NBAS: variants seen among roughly 807,000 people sequenced by gnomAD.
NBAS encodes the protein NAG/BC035112 fusion.
NBAS carries 219 observed loss-of-function variants against 302.5 expected under a neutral mutation model. The ratio of observed to expected loss-of-function variants is 0.72; its 90% CI spans 0.65 to 0.81. NBAS has a LOEUF of 0.81. Among genes scored for constraint, NBAS ranks in the 30% least tolerant of loss-of-function variants. The pLI is 0.00. For missense variants in NBAS, 2,932 were observed against 2,841.6 expected (o/e 1.03, Z -0.72); for synonymous variants, 1,118 against 1,021.6 (o/e 1.09, Z -1.80).
chr2:15,546,261 TTTTTC>T (rs1399235647), intron 6 of NBAS, among the ~76,000 whole-genome samples: 1 of 152,190 alleles, frequency 6.6e-6, no homozygotes, highest in Non-Finnish European at 1.5e-5. Context: ...GGTGAGCTTA[TTTTTC>T]TTTTCTTTTT....
chr2:15,088,819 C>T, the NBAS span, among the ~76,000 whole-genome samples: 4 of 152,214 alleles, frequency 2.6e-5, no homozygotes, highest in Non-Finnish European at 5.9e-5. Context: ...CTAGAGCGGC[C>T]AGCTCCTGGC....
the NBAS span, among the ~76,000 whole-genome samples, chr2:15,079,534 C>T: frequency 6.6e-6 from 1 of 152,268 alleles, no homozygotes; most frequent in Non-Finnish European, 1.5e-5. Flanking sequence ...CCTCATGGTG[C>T]TCACTGCTAA....
At chr2:14,995,286 C>A in the NBAS span, among the ~76,000 whole-genome samples, 1 of 152,096 alleles carries the variant, frequency 6.6e-6, no homozygotes, top group Admixed American at 6.6e-5. Context: ...GTTCAATTCC[C>A]ACCTATTAGT....
intron 33 of NBAS, 96 bp downstream of exon 33, chr2:15,356,207 T>C (rs1673610070): frequency 7.8e-6 from 8 of 1,031,588 alleles, no homozygotes; most frequent in Admixed American, 1.7e-5. Flanking sequence ...TGTGGCTGGC[T>C]TACCAATCAG....
rs1030947579 is a variant in NBAS, at chr2:15,468,245, A to G, written c.1877+137T>C. On this transcript the variant is annotated intron_variant, in intron 17 of 51. Transcript: ENST00000281513. ...TGCCTGATGAGCAATGACTTCAGGT[A>G]AGACAGTATTGATCAAAAGCAACTG... 6.1e-6 allele frequency: 6 copies of G among 980,914 alleles called. No individual in the cohort carries two copies. In the South Asian group the frequency reaches 8.6e-5, roughly 14 times the overall value. 60.8% of individuals were successfully genotyped at this position (980,914 alleles called of 1,614,324 possible).
At chr2:15,276,747 T>G in intron 43 of NBAS, 104 bp downstream of exon 43, 1 of 1,541,468 alleles carries the variant, frequency 6.5e-7, no homozygotes, top group Non-Finnish European at 8.9e-7. Context: ...TTCTGTGGTT[T>G]CAGAGCTCTG....
At chr2:15,473,429 T>C in intron 15 of NBAS, 82 bp from the exon 16 acceptor site, 1 of 1,549,256 alleles carries the variant, frequency 6.5e-7, no homozygotes, top group Admixed American at 1.8e-5. Flanking sequence ...TGAATGATGA[T>C]AATCCCTTGG....
rs1355618685 is a variant in NBAS, at chr2:15,441,832, AC to A, written c.2340-14039del. ...GGAAGATCTACCAAGCAAATGGAAA[AC>A]AAAAAAAGGCAGGGGTTGCAATGCT... On this transcript the variant is annotated intron_variant, in intron 21 of 51. Transcript: ENST00000281513. 2.0e-5 allele frequency among the ~76,000 whole-genome samples: 3 copies of A among 151,992 alleles called. 1 individual carries two copies. The highest frequency in any genetic ancestry group is 1.3e-4 in the Admixed American group (2 of 15,246).
chr2:15,442,455 A>G (rs1417535332), intron 21 of NBAS, among the ~76,000 whole-genome samples: 12 of 148,540 alleles, frequency 8.1e-5, no homozygotes, highest in East Asian at 6.5e-4. Flanking sequence ...TGAAACCAAC[A>G]AGAACAAAGA....
the NBAS span, among the ~76,000 whole-genome samples, chr2:15,107,318 T>G: frequency 6.6e-6 from 1 of 152,066 alleles, no homozygotes; most frequent in African/African-American, 2.4e-5. Flanking sequence ...AAGAAAGTCC[T>G]CATGAGAACC....
chr2:14,782,325 G>A, the NBAS span, among the ~76,000 whole-genome samples: 1 of 152,032 alleles, frequency 6.6e-6, no homozygotes, highest in East Asian at 1.9e-4. Context: ...TTCAAAAGAG[G>A]ACATACATGT....
chr2:15,439,949 G>A (rs1007068281), intron 21 of NBAS, among the ~76,000 whole-genome samples: 11 of 152,266 alleles, frequency 7.2e-5, no homozygotes, highest in African/African-American at 2.4e-4. Context: ...CAGTGAGGCT[G>A]GGGGAGGGGC....
chr2:14,989,283 A>ATGTGTGTGTG, the NBAS span, among the ~76,000 whole-genome samples: 2 of 68,674 alleles, frequency 2.9e-5, no homozygotes, highest in Non-Finnish European at 6.6e-5. Flanking sequence ...TATATAGTAG[A>ATGTGTGTGTG]TGTATGTGTA....
chr2:15,223,371 T>A (rs1446990967), intron 47 of NBAS, among the ~76,000 whole-genome samples: 7 of 152,014 alleles, frequency 4.6e-5, no homozygotes. Flanking sequence ...GGGTTTTAAA[T>A]TTTTCAAGAT....
chr2:15,535,115 A>T (rs1309584307), intron 8 of NBAS, among the ~76,000 whole-genome samples: 1 of 151,922 alleles, frequency 6.6e-6, no homozygotes, highest in East Asian at 1.9e-4. Flanking sequence ...TGAATGAAAG[A>T]AGACTTAGAT....
chr2:15,307,054 G>A lies in NBAS; in HGVS notation c.4797+1162C>T, dbSNP rs190762127. Among the ~76,000 whole-genome samples the A allele has an allele frequency of 1.2e-3, 178 of 152,250 alleles. 1 individual carries two copies. The highest frequency in any genetic ancestry group is 2.2e-3 in the Admixed American group (34 of 15,286). On this transcript the variant is annotated intron_variant, in intron 40 of 51. Coordinates refer to ENST00000281513, the MANE Select transcript of NBAS (RefSeq NM_015909.4). ...TCAGCCTCCTTCTGCCTCCCCTCCC[G>A]GGGGATGTGATGACAGGACCCCGAA...
chr2:15,459,636 C>T (rs761207309), intron 21 of NBAS, among the ~76,000 whole-genome samples: 8 of 152,008 alleles, frequency 5.3e-5, no homozygotes, highest in South Asian at 4.2e-4. Flanking sequence ...CCTGCTACCA[C>T]GCCCAGCTAA....
rs774614018 is a variant in NBAS at position 15,417,680 on chromosome 2, C to A, written c.2610G>T (p.Gly870=). Residue 870 remains glycine, a synonymous_variant, in exon 24 of 52, where the codon GGG becomes GGT. Coordinates refer to ENST00000281513, the MANE Select transcript of NBAS (RefSeq NM_015909.4). ...VDCALSLIRL[G]MERNIPGLLV... ...GCAAACCAGGAATATTCCGCTCCATCCCAAGTCGAATAAGTGACAATGCAC... is the reference window on the plus strand; with the variant it reads ...GCAAACCAGGAATATTCCGCTCCATACCAAGTCGAATAAGTGACAATGCAC... 2 of 1,613,912 alleles carry A rather than the reference C, an allele frequency of 1.2e-6. No homozygotes were observed. Among genetic ancestry groups the A allele is most frequent in the South Asian group, 2.2e-5 (2 of 91,058 alleles).
At chr2:15,119,040 G>A in the NBAS span, among the ~76,000 whole-genome samples, 2 of 152,158 alleles carry the variant, frequency 1.3e-5, no homozygotes, top group South Asian at 2.1e-4. Context: ...CTGGCCTCAG[G>A]GGTGGGCGTC....
Sources: allele counts gnomAD v4.1 joint callset (sites outside exome capture counted in the v4.1 genomes callset), GRCh38; gene constraint gnomAD v4.1.1; transcripts MANE v1.5; gene names NCBI Gene and HGNC (gene_info 2026-07-23, HGNC 2026-07-21).